Variants in AGBL1 observed in about 807,000 individuals in gnomAD.
AGBL1 encodes the protein AGBL carboxypeptidase 1.
In AGBL1, 130 loss-of-function variants were observed where a neutral mutation model predicts 118.9. The observed-to-expected ratio is 1.09, with a 90% CI of 0.95 to 1.26. The LOEUF (loss-of-function observed/expected upper bound fraction) is 1.26, where lower values mean the gene tolerates loss of function less well. Among genes scored for constraint, AGBL1 ranks in the 50% most tolerant of loss-of-function variants. The pLI is 0.00. For missense variants in AGBL1, 1,584 were observed against 1,298.1 expected (o/e 1.22, Z -3.38); for synonymous variants, 555 against 478.9 (o/e 1.16, Z -2.08).
chr15:86,159,373 G>T (rs2077235605), intron 5 of AGBL1, among the ~76,000 whole-genome samples: 1 of 152,082 alleles, frequency 6.6e-6, no homozygotes, highest in Non-Finnish European at 1.5e-5. Flanking sequence ...CTTTTTGCCT[G>T]AAGCCCTCAG....
intron 21 of AGBL1, among the ~76,000 whole-genome samples, chr15:86,625,983 A>G (rs1303888126): frequency 6.6e-6 from 1 of 152,194 alleles, no homozygotes; most frequent in African/African-American, 2.4e-5. Context: ...TGAGTCATAA[A>G]GAATAGTAGA....
rs370959180 is a variant in AGBL1 at position 86,543,538 on chromosome 15, C to G, written c.2686-2464C>G. ...ACCAAAATGATCTTTGGACCCCAAA[C>G]TTCTACATCAGGAACTGGAGAAGTT... On this transcript the variant is annotated intron_variant, in intron 19 of 22. Coordinates refer to ENST00000614907, the MANE Select transcript of AGBL1 (RefSeq NM_001386094.1). Among the ~76,000 whole-genome samples, 239 of 152,304 alleles carry G rather than the reference C, an allele frequency of 1.6e-3. 1 individual carries two copies. Among genetic ancestry groups the G allele is most frequent in the African/African-American group, 5.6e-3 (231 of 41,566 alleles).
chr15:86,884,984 C>G (rs1202617144), intron 22 of AGBL1, among the ~76,000 whole-genome samples: 1 of 152,142 alleles, frequency 6.6e-6, no homozygotes, highest in African/African-American at 2.4e-5. Context: ...TAAAAAAGAA[C>G]TACCTAATAG....
intron 22 of AGBL1, among the ~76,000 whole-genome samples, chr15:86,733,169 T>C (rs2077549052): frequency 1.3e-5 from 2 of 151,832 alleles, no homozygotes; most frequent in South Asian, 4.1e-4. Context: ...CATCTGCAAG[T>C]TGGAGAACCA....
At chr15:86,479,763 C>T (rs2082623292) in intron 18 of AGBL1, among the ~76,000 whole-genome samples, 1 of 152,190 alleles carries the variant, frequency 6.6e-6, no homozygotes, top group Non-Finnish European at 1.5e-5. Context: ...ATAAATCATG[C>T]TGCTATAAAG....
chr15:86,921,331 TC>T (rs1186667731), intron 23 of AGBL1, among the ~76,000 whole-genome samples: 1 of 152,124 alleles, frequency 6.6e-6, no homozygotes, highest in Non-Finnish European at 1.5e-5. Context: ...CAGAGTTCAG[TC>T]CTCAGTCTCC....
intron 18 of AGBL1, among the ~76,000 whole-genome samples, chr15:86,440,566 A>G (rs2142053344): frequency 6.6e-6 from 1 of 152,098 alleles, no homozygotes. Context: ...ACCATTTCAT[A>G]GCCACAATCT....
intron 23 of AGBL1, among the ~76,000 whole-genome samples, chr15:86,986,478 C>CATTGT (rs1220540904): frequency 6.6e-6 from 1 of 152,078 alleles, no homozygotes; most frequent in Non-Finnish European, 1.5e-5. Context: ...AACTTGTAGT[C>CATTGT]ATTGTATAGC....
In AGBL1 at chr15:86,263,510, AGGGTGCCCTGCC is replaced by A. The variant is rs1422673436; in HGVS notation, c.1086+617_1086+628del. Among the ~76,000 whole-genome samples, 3 of 152,380 alleles carry A rather than the reference AGGGTGCCCTGCC, an allele frequency of 2.0e-5. No individual in the cohort carries two copies. The East Asian group carries it at 5.8e-4, about 29-fold the overall frequency. On this transcript the variant is annotated intron_variant, in intron 10 of 22. Coordinates refer to ENST00000614907, the MANE Select transcript of AGBL1 (RefSeq NM_001386094.1). Reference sequence around the variant, plus strand: ...CATCACTGCCTATTGTCTGGTGGGCAGGGTGCCCTGCCCCCATGCACTGAAAAAGCAAATAAA... The same window carrying A: ...CATCACTGCCTATTGTCTGGTGGGCACCCATGCACTGAAAAAGCAAATAAA...
At chr15:86,708,979 C>G (rs2086505604) in intron 22 of AGBL1, among the ~76,000 whole-genome samples, 1 of 152,132 alleles carries the variant, frequency 6.6e-6, no homozygotes, top group Admixed American at 6.6e-5. Context: ...CCTTAACCAG[C>G]TTTTTAAGGT....
Position 86,529,487 on chromosome 15 carries a change from G to A in AGBL1, c.2685+6548G>A, listed in dbSNP as rs1316478614. ...AAGACCAAATCTACGTCTGATTGGTGTACCTGAAAGTGATGCGGAGAATGG... is the reference window on the plus strand; with the variant it reads ...AAGACCAAATCTACGTCTGATTGGTATACCTGAAAGTGATGCGGAGAATGG... On this transcript the variant is annotated intron_variant, in intron 19 of 22. Transcript: ENST00000614907. 3.0e-5 allele frequency among the ~76,000 whole-genome samples: 4 copies of A among 135,174 alleles called. 1 individual carries two copies. The East Asian group carries it at 6.2e-4, about 21-fold the overall frequency. The allele number at this position is 135,174 out of a possible 152,430, so 88.7% of individuals were successfully genotyped here.
intron 21 of AGBL1, among the ~76,000 whole-genome samples, chr15:86,664,627 C>G (rs1490532688): frequency 6.6e-6 from 1 of 152,048 alleles, no homozygotes; most frequent in African/African-American, 2.4e-5. Flanking sequence ...GCCAAGTAGA[C>G]ACAAGCCTAG....
chr15:86,108,916 C>G (rs1197175967), intron 1 of AGBL1, among the ~76,000 whole-genome samples: 1 of 152,168 alleles, frequency 6.6e-6, no homozygotes, highest in Non-Finnish European at 1.5e-5. Flanking sequence ...AAGATCGCGC[C>G]ACTGCTCTCC....
chr15:86,928,600 G>A (rs1050866999), intron 23 of AGBL1, among the ~76,000 whole-genome samples: 24 of 152,122 alleles, frequency 1.6e-4, no homozygotes, highest in African/African-American at 5.1e-4. Context: ...TAACAACAAC[G>A]ATGCTCTATC....
At chr15:87,019,168 A>G (rs58635564) in intron 24 of AGBL1, among the ~76,000 whole-genome samples, 10 of 152,274 alleles carry the variant, frequency 6.6e-5, no homozygotes, top group African/African-American at 2.4e-4. Flanking sequence ...ACACAAAAAT[A>G]GTGGGTGACT....
intron 23 of AGBL1, among the ~76,000 whole-genome samples, chr15:86,947,082 C>T (rs74320366): frequency 1.9e-3 from 292 of 152,240 alleles, no homozygotes; most frequent in African/African-American, 6.4e-3. Context: ...GCTAGAAACA[C>T]GAAGATCATC....
Position 86,266,996 on chromosome 15 carries a change from G to T in AGBL1, c.1758G>T (p.Leu586Phe), listed in dbSNP as rs939665171. 3.2e-6 allele frequency: 5 copies of T among 1,567,678 alleles called. No homozygotes were observed. The African/African-American group carries it at 5.4e-5, about 17-fold the overall frequency. ...GTTCCTTATTTCATTGTAGGCCTTT[G>T]CAAGACAATGCTTCCAATTGTTTAC... is the stretch of plus-strand genomic sequence containing the variant. ...VVFSLDEPWP[L>F]QDNASNCLRF... The change falls in exon 13 of 23, where the codon TTG becomes TTT. Residue 586 changes from leucine to phenylalanine, a missense_variant. By Grantham distance (22) the Leu-to-Phe change is conservative. Coordinates refer to ENST00000614907, the MANE Select transcript of AGBL1 (RefSeq NM_001386094.1).
intron 22 of AGBL1, among the ~76,000 whole-genome samples, chr15:86,735,172 C>T (rs1327751030): frequency 6.6e-6 from 1 of 152,060 alleles, no homozygotes; most frequent in Non-Finnish European, 1.5e-5. Context: ...ACCTCCGCCT[C>T]CTGGGTTTCA....
intron 18 of AGBL1, among the ~76,000 whole-genome samples, chr15:86,471,040 G>A (rs185747416): frequency 5.3e-4 from 81 of 152,100 alleles, no homozygotes; most frequent in African/African-American, 1.9e-3. Context: ...AATTGCCCTT[G>A]TTAGGACTTC....
Sources: allele counts gnomAD v4.1 joint callset (sites outside exome capture counted in the v4.1 genomes callset), GRCh38; gene constraint gnomAD v4.1.1; transcripts MANE v1.5; gene names NCBI Gene and HGNC (gene_info 2026-07-23, HGNC 2026-07-21).